The following ZNF704 variants were observed in gnomAD, a reference collection of about 807,000 sequenced individuals.
ZNF704 encodes glucocorticoid induced gene 1.
In ZNF704, 10 loss-of-function variants were observed where a neutral mutation model predicts 44.7. That is an observed-to-expected ratio of 0.22 (90% CI 0.14 to 0.38). ZNF704 has a LOEUF of 0.38. Among genes scored for constraint, ZNF704 ranks in the 10% least tolerant of loss-of-function variants. The pLI is 1.00. For missense variants in ZNF704, 390 were observed against 545.5 expected (o/e 0.71, Z 2.84); for synonymous variants, 211 against 207.6 (o/e 1.02, Z -0.14).
At chr8:80,780,926 T>C (rs1017536068) in intron 2 of ZNF704, among the ~76,000 whole-genome samples, 12 of 152,154 alleles carry the variant, frequency 7.9e-5, no homozygotes, top group African/African-American at 2.9e-4. Context: ...CAACCTTCTT[T>C]CCACAAAATA....
At chr8:80,776,870 CGCACTACA>C (rs1337993621) in intron 2 of ZNF704, 5 of 152,090 alleles carry the variant, frequency 3.3e-5, no homozygotes, top group African/African-American at 1.2e-4. Flanking sequence ...ACTGATGTAG[CGCACTACA>C]GCCCAGAACT....
chr8:80,880,930 A>G, the ZNF704 span, among the ~76,000 whole-genome samples: 1 of 152,258 alleles, frequency 6.6e-6, no homozygotes, highest in South Asian at 2.1e-4. Flanking sequence ...AGGCTTGTAG[A>G]AATTCTAAAG....
At chr8:80,873,512 G>C (rs1041817421) in intron 1 of ZNF704, 1 of 150,368 alleles carries the variant, frequency 6.7e-6, no homozygotes, top group Non-Finnish European at 1.5e-5. Context: ...GGGCTGGCGG[G>C]TCCCACGCGC....
intron 2 of ZNF704, among the ~76,000 whole-genome samples, chr8:80,750,163 C>T (rs1806917152): frequency 6.6e-6 from 1 of 152,068 alleles, no homozygotes; most frequent in African/African-American, 2.4e-5. Flanking sequence ...TCACACATCC[C>T]CCCAGGCAGC....
Position 80,670,543 on chromosome 8 carries a change from C to A in ZNF704, c.619G>T (p.Ala207Ser). The stretch of plus-strand genomic sequence containing the variant: ...CGGATGTGTTTCTGGATACCTGCTG[C>A]AGTGCTCAGCACCTTCCCACAGTTT... ...WKNCGKVLST[A>S]AGIQKHIRTI... Residue 207 changes from alanine (A) to serine (S), a missense_variant, in exon 5 of 9, where the codon GCA becomes TCA. By Grantham distance (99) the Ala-to-Ser change is moderately conservative. Transcript: ENST00000327835. The A allele has an allele frequency of 3.1e-6, 5 of 1,614,178 alleles. No homozygotes were observed. The highest frequency in any genetic ancestry group is 4.2e-6 in the Non-Finnish European group (5 of 1,180,012).
intron 4 of ZNF704, among the ~76,000 whole-genome samples, chr8:80,672,762 G>A (rs1286094782): frequency 1.3e-5 from 2 of 152,122 alleles, no homozygotes; most frequent in Non-Finnish European, 1.5e-5. Flanking sequence ...GACTACTAGA[G>A]GAGGGAAATA....
chr8:80,824,712 T>G (rs921768044), intron 1 of ZNF704, among the ~76,000 whole-genome samples: 3 of 152,206 alleles, frequency 2.0e-5, no homozygotes, highest in African/African-American at 7.2e-5. Flanking sequence ...CCCATCAGAC[T>G]AACAGTGTAT....
At chr8:80,877,077 CT>C (rs1563586678), upstream of ZNF704, among the ~76,000 whole-genome samples, 2 of 148,652 alleles carry the variant, frequency 1.3e-5, no homozygotes, top group African/African-American at 5.0e-5. Context: ...TTTAAAATTG[CT>C]GTATATGCTT....
At chr8:80,808,805 T>C (rs1808035768) in intron 2 of ZNF704, among the ~76,000 whole-genome samples, 1 of 152,258 alleles carries the variant, frequency 6.6e-6, no homozygotes, top group Non-Finnish European at 1.5e-5. Flanking sequence ...ATTTATCAAC[T>C]GTGGTTAGAA....
intron 4 of ZNF704, among the ~76,000 whole-genome samples, chr8:80,675,884 A>G (rs897569211): frequency 1.3e-5 from 2 of 152,182 alleles, no homozygotes; most frequent in Non-Finnish European, 2.9e-5. Context: ...GAGCACTGAA[A>G]GCTTGGGTGT....
At chr8:80,816,804 G>T (rs1328524372) in intron 2 of ZNF704, among the ~76,000 whole-genome samples, 1 of 152,150 alleles carries the variant, frequency 6.6e-6, no homozygotes, top group African/African-American at 2.4e-5. Flanking sequence ...CTCTCCTGAG[G>T]AAAGTTGAAT....
chr8:80,860,215 T>A (rs912078176), intron 1 of ZNF704, among the ~76,000 whole-genome samples: 11 of 152,156 alleles, frequency 7.2e-5, no homozygotes, highest in Admixed American at 4.6e-4. Context: ...GCTGCAGTAG[T>A]GATAACAGAG....
chr8:80,833,598 T>C (rs1231384666), intron 1 of ZNF704, among the ~76,000 whole-genome samples: 1 of 152,230 alleles, frequency 6.6e-6, no homozygotes, highest in East Asian at 1.9e-4. Flanking sequence ...CCATTGATTA[T>C]ATTATTCCCT....
chr8:80,768,472 A>G (rs1228918199), intron 2 of ZNF704, among the ~76,000 whole-genome samples: 1 of 152,290 alleles, frequency 6.6e-6, no homozygotes, highest in Non-Finnish European at 1.5e-5. Flanking sequence ...GTATTCAATA[A>G]TAATAAGGCA....
intron 4 of ZNF704, among the ~76,000 whole-genome samples, chr8:80,686,688 T>C (rs1818544113): frequency 6.6e-6 from 1 of 152,116 alleles, no homozygotes; most frequent in Admixed American, 6.6e-5. Context: ...CCACTGTGCC[T>C]GGCCCTTTTT....
chr8:80,710,903 C>G (rs1818975659), intron 2 of ZNF704, among the ~76,000 whole-genome samples: 1 of 152,090 alleles, frequency 6.6e-6, no homozygotes, highest in African/African-American at 2.4e-5. Context: ...AATAAGACAA[C>G]ATTTTTATCC....
In ZNF704 at chr8:80,644,580, C is replaced by T. The variant is rs565939535; in HGVS notation, c.1033-1451G>A. 7.6e-4 allele frequency among the ~76,000 whole-genome samples: 116 copies of T among 152,004 alleles called. 1 individual carries two copies. The highest frequency in any genetic ancestry group is 1.5e-3 in the Non-Finnish European group (100 of 68,000). On this transcript the variant is annotated intron_variant, in intron 7 of 8. Coordinates refer to ENST00000327835, the MANE Select transcript of ZNF704 (RefSeq NM_001033723.3). ...CGCAAGTCACCATACATACAACACC[C>T]GGCAGGAAAAAACAAAAACAGCAAG...
intron 2 of ZNF704, among the ~76,000 whole-genome samples, chr8:80,752,533 T>TA (rs374256860): frequency 0.062 from 8,992 of 144,618 alleles, 299 homozygotes; most frequent in Middle Eastern, 0.12. Flanking sequence ...GGGGTAAACT[T>TA]AAAAAAACTT....
intron 7 of ZNF704, chr8:80,658,565 T>G (rs1314960156): frequency 6.6e-6 from 1 of 152,168 alleles, no homozygotes; most frequent in Non-Finnish European, 1.5e-5. Flanking sequence ...AAATACAACT[T>G]TAAAAATGAC....
Sources: gnomAD v4.1 joint callset for allele counts (sites outside exome capture counted in the v4.1 genomes callset) on GRCh38, gnomAD v4.1.1 for gene constraint, MANE v1.5 for transcripts, NCBI Gene and HGNC (gene_info 2026-07-23, HGNC 2026-07-21) for gene names.